Variants in SAXO1 observed in about 807,000 individuals in gnomAD.
The protein encoded by SAXO1 is 4930500O09Rik.
Under a neutral mutation model 17.5 loss-of-function variants are expected in SAXO1, and 21 were observed. The ratio of observed to expected loss-of-function variants is 1.20; its 90% CI spans 0.85 to 1.72. The LOEUF (loss-of-function observed/expected upper bound fraction) is 1.72, where lower values mean the gene tolerates loss of function less well. Ranked by LOEUF, SAXO1 falls within the 40% of genes most tolerant of loss-of-function variation. The pLI, the probability that SAXO1 is intolerant of heterozygous loss-of-function variation, is 0.00. For synonymous variants in SAXO1, 274 were observed against 216.5 expected, an observed-to-expected ratio of 1.27 and a Z score of -2.33; for missense variants, 843 against 596.0, an observed-to-expected ratio of 1.41 and a Z score of -4.32.
chr9:18,979,259 G>C (rs951338411), intron 1 of SAXO1, among the ~76,000 whole-genome samples: 6 of 152,142 alleles, frequency 3.9e-5, no homozygotes, highest in Admixed American at 1.3e-4. Context: ...ATAAATTGTT[G>C]AATATACTAC....
intron 1 of SAXO1, among the ~76,000 whole-genome samples, chr9:19,004,727 G>C (rs1563975652): frequency 6.6e-6 from 1 of 152,146 alleles, no homozygotes; most frequent in South Asian, 2.1e-4. Context: ...TGGAGTAGGG[G>C]GCAAGGGGAG....
At chr9:19,047,351 G>A (rs929784284) in intron 1 of SAXO1, among the ~76,000 whole-genome samples, 3 of 152,112 alleles carry the variant, frequency 2.0e-5, no homozygotes, top group African/African-American at 7.2e-5. Flanking sequence ...GCAACAGAGT[G>A]AGACTCTGTC....
intron 1 of SAXO1, among the ~76,000 whole-genome samples, chr9:18,989,391 A>C (rs981976458): frequency 6.6e-6 from 1 of 152,166 alleles, no homozygotes; most frequent in Non-Finnish European, 1.5e-5. Flanking sequence ...AAAGCTTTGA[A>C]ATTTTTTAGG....
intron 1 of SAXO1, among the ~76,000 whole-genome samples, chr9:19,001,353 C>A (rs191112826): frequency 6.6e-6 from 1 of 152,058 alleles, no homozygotes; most frequent in Admixed American, 6.6e-5. Context: ...GGGTACATAA[C>A]GAAATGAAGG....
At chr9:18,993,143 T>C (rs1356806797) in intron 1 of SAXO1, among the ~76,000 whole-genome samples, 1 of 151,874 alleles carries the variant, frequency 6.6e-6, no homozygotes, top group South Asian at 2.1e-4. Context: ...GGGATATATG[T>C]GCAGAGTGTA....
intron 1 of SAXO1, among the ~76,000 whole-genome samples, chr9:18,971,614 G>A (rs1832945285): frequency 6.6e-6 from 1 of 152,086 alleles, no homozygotes; most frequent in African/African-American, 2.4e-5. Context: ...TCCAAAACAA[G>A]TAGGAGGCTG....
intron 1 of SAXO1, among the ~76,000 whole-genome samples, chr9:19,007,808 T>G (rs1383862051): frequency 6.6e-6 from 1 of 152,226 alleles, no homozygotes; most frequent in African/African-American, 2.4e-5. Context: ...ACGTGAAAAT[T>G]GTATGTAATT....
At chr9:19,036,778 A>T (rs1239361152), upstream of SAXO1, among the ~76,000 whole-genome samples, 1 of 152,184 alleles carries the variant, frequency 6.6e-6, no homozygotes, top group Non-Finnish European at 1.5e-5. Context: ...GTGAAAGGGA[A>T]ATGTCCCTAC....
At chr9:19,008,568 T>C (rs996176641) in intron 1 of SAXO1, among the ~76,000 whole-genome samples, 1 of 152,184 alleles carries the variant, frequency 6.6e-6, no homozygotes, top group Non-Finnish European at 1.5e-5. Flanking sequence ...AGTTGAGTGA[T>C]TGAGGCAGAA....
upstream of SAXO1, among the ~76,000 whole-genome samples, chr9:19,038,112 T>G (rs1176804759): frequency 3.9e-5 from 6 of 152,134 alleles, no homozygotes; most frequent in Admixed American, 1.3e-4. Context: ...AAACAACAGG[T>G]GCCGGAGAGG....
intron 3 of SAXO1, among the ~76,000 whole-genome samples, chr9:18,936,481 T>C (rs1173331373): frequency 6.6e-6 from 1 of 152,146 alleles, no homozygotes; most frequent in Non-Finnish European, 1.5e-5. Context: ...TCTTCTGTGA[T>C]GGATGAAGTG....
At chr9:19,032,350 G>C (rs1835806524) in intron 1 of SAXO1, among the ~76,000 whole-genome samples, 1 of 152,204 alleles carries the variant, frequency 6.6e-6, no homozygotes. Context: ...GGTTAGAAGG[G>C]AGACCTGGCA....
intron 3 of SAXO1, among the ~76,000 whole-genome samples, chr9:18,929,588 T>C (rs564950023): frequency 2.0e-5 from 3 of 152,312 alleles, no homozygotes; most frequent in African/African-American, 7.2e-5. Flanking sequence ...TCAAATATGC[T>C]GCTCCAAGGG....
upstream of SAXO1, among the ~76,000 whole-genome samples, chr9:19,035,981 C>G (rs1835924981): frequency 6.6e-6 from 1 of 151,948 alleles, no homozygotes; most frequent in Non-Finnish European, 1.5e-5. Context: ...AAAAGAAAAA[C>G]CTTCTCAGCA....
chr9:19,029,086 T>C (rs1472926577), intron 1 of SAXO1, among the ~76,000 whole-genome samples: 1 of 152,166 alleles, frequency 6.6e-6, no homozygotes, highest in African/African-American at 2.4e-5. Flanking sequence ...AGTCACCCAT[T>C]GGTGGCTTTT....
chr9:18,958,484 T>C (rs977598026), intron 1 of SAXO1, among the ~76,000 whole-genome samples: 4 of 151,766 alleles, frequency 2.6e-5, no homozygotes, highest in African/African-American at 9.7e-5. Flanking sequence ...CAACCAGAAA[T>C]TGGATAACAG....
chr9:19,047,534 T>TAC (rs2131080259), intron 1 of SAXO1, among the ~76,000 whole-genome samples: 1 of 152,266 alleles, frequency 6.6e-6, no homozygotes, highest in East Asian at 1.9e-4. Context: ...GAGAGTCCAG[T>TAC]ACAATGCAAA....
intron 1 of SAXO1, among the ~76,000 whole-genome samples, chr9:18,968,814 G>A (rs771842052): frequency 4.6e-5 from 7 of 152,172 alleles, no homozygotes; most frequent in Middle Eastern, 3.4e-3. Context: ...GGCTGGTGTC[G>A]AACTCCTGAC....
At chr9:18,996,866 G>A (rs1449870409) in intron 1 of SAXO1, among the ~76,000 whole-genome samples, 2 of 151,902 alleles carry the variant, frequency 1.3e-5, no homozygotes, top group Admixed American at 1.3e-4. Flanking sequence ...AAAAAACATA[G>A]TAAAAGGCAT....
Sources: gnomAD v4.1 joint callset for allele counts (sites outside exome capture counted in the v4.1 genomes callset) on GRCh38, gnomAD v4.1.1 for gene constraint, MANE v1.5 for transcripts, NCBI Gene and HGNC (gene_info 2026-07-23, HGNC 2026-07-21) for gene names.